The following TLR1 variants were observed in gnomAD, a reference collection of about 807,000 sequenced individuals.
TLR1 encodes toll like receptor 1, also known as toll-like receptor 1.
In TLR1, 19 loss-of-function variants were observed where a neutral mutation model predicts 20.2. The observed-to-expected ratio is 0.94, with a 90% CI of 0.66 to 1.38. The LOEUF (loss-of-function observed/expected upper bound fraction) is 1.38, where lower values mean the gene tolerates loss of function less well. Ranked by LOEUF, TLR1 falls within the 40% of genes most tolerant of loss-of-function variation. The pLI is 0.00. For synonymous variants in TLR1, 320 were observed against 334.5 expected (o/e 0.96, Z 0.47); for missense variants, 921 against 910.0 (o/e 1.01, Z -0.16).
intron 2 of TLR1, among the ~76,000 whole-genome samples, chr4:38,801,194 T>C (rs1184649884): frequency 6.6e-6 from 1 of 152,106 alleles, no homozygotes; most frequent in Non-Finnish European, 1.5e-5. Flanking sequence ...CAGGAGAAAA[T>C]TGTGAAGTAA....
chr4:38,793,427 G>C (rs192928143), downstream of TLR1, among the ~76,000 whole-genome samples: 131 of 152,084 alleles, frequency 8.6e-4, no homozygotes, highest in African/African-American at 3.0e-3. Context: ...CTTGATTAAG[G>C]GCTTGCATAT....
In TLR1 at chr4:38,798,155, T is replaced by C; in HGVS notation, c.677A>G (p.Glu226Gly). The C allele has an allele frequency of 6.2e-7, 1 of 1,614,072 alleles. No individual in the cohort carries two copies. Among genetic ancestry groups the C allele is most frequent in the East Asian group, 2.2e-5 (1 of 44,882 alleles). ...LELSNIKCVL[E>G]DNKCSYFLSI... ...TAGGAAGTAAGAACATTTGTTATCT[T>C]CTAGCACACATTTGATATTAGATAG... The change falls in exon 4 of 4, where the codon GAA (glutamate) becomes GGA (glycine). Residue 226 changes from glutamate (E) to glycine (G), a missense_variant. By Grantham distance (98) the Glu-to-Gly change is moderately conservative. Coordinates refer to ENST00000308979, the MANE Select transcript of TLR1 (RefSeq NM_003263.4).
downstream of TLR1, among the ~76,000 whole-genome samples, chr4:38,791,719 GATA>G (rs1189707360): frequency 1.3e-5 from 2 of 152,204 alleles, no homozygotes; most frequent in African/African-American, 4.8e-5. Flanking sequence ...GAAGAATGAT[GATA>G]ATGACATAAT....
downstream of TLR1, among the ~76,000 whole-genome samples, chr4:38,788,054 G>A (rs73236616): frequency 0.14 from 21,987 of 152,162 alleles, 2,160 homozygotes; most frequent in East Asian, 0.38. Context: ...GGCTTTAGGG[G>A]CAGAGAAGGA....
At chr4:38,787,700 T>A (rs1725636075), downstream of TLR1, among the ~76,000 whole-genome samples, 1 of 152,182 alleles carries the variant, frequency 6.6e-6, no homozygotes, top group Admixed American at 6.5e-5. Flanking sequence ...TCTTTGAAAT[T>A]TGGTGTGTGT....
At chr4:38,790,468 T>C (rs1213121330), downstream of TLR1, among the ~76,000 whole-genome samples, 2 of 152,100 alleles carry the variant, frequency 1.3e-5, no homozygotes, top group Non-Finnish European at 2.9e-5. Context: ...TGATTCTTTG[T>C]ATGTAACCTG....
chr4:38,802,946 GAGAA>G (rs1204718661), intron 2 of TLR1, among the ~76,000 whole-genome samples: 2 of 152,162 alleles, frequency 1.3e-5, no homozygotes, highest in African/African-American at 4.8e-5. Flanking sequence ...TTGGCAGCCA[GAGAA>G]AGAGAGAGAG....
downstream of TLR1, among the ~76,000 whole-genome samples, chr4:38,789,584 T>C (rs1192584563): frequency 6.6e-6 from 1 of 152,098 alleles, no homozygotes; most frequent in African/African-American, 2.4e-5. Context: ...TGTTTCAGCC[T>C]CCCAAGTAGC....
In TLR1 at chr4:38,800,871, G is replaced by T. The variant is rs1261508440; in HGVS notation, c.-82C>A. 6.6e-6 allele frequency: 1 copy of T among 152,638 alleles called. No individual in the cohort carries two copies. Among genetic ancestry groups the T allele is most frequent in the South Asian group, 2.1e-4 (1 of 4,832 alleles). The allele number at this position is 152,638 out of a possible 1,614,324, so 9.5% of individuals were successfully genotyped here. A position where few individuals can be genotyped will look rare whatever the true frequency, so the allele number is the denominator to read the frequency against. ...CTTGGACTTACCCTTTTGTAGGGGTGCCCAATATGCCTTTGTTATCCTGAT... is the reference window on the plus strand; with the variant it reads ...CTTGGACTTACCCTTTTGTAGGGGTTCCCAATATGCCTTTGTTATCCTGAT... On this transcript the variant is annotated 5_prime_UTR_variant, in exon 3 of 4. Coordinates refer to ENST00000308979, the MANE Select transcript of TLR1 (RefSeq NM_003263.4).
downstream of TLR1, among the ~76,000 whole-genome samples, chr4:38,796,092 T>C (rs1400707216): frequency 6.6e-6 from 1 of 152,174 alleles, no homozygotes; most frequent in Non-Finnish European, 1.5e-5. Flanking sequence ...TCAAAAGCTG[T>C]AGAAATCTGC....
chr4:38,802,490 C>A (rs1261267250), intron 2 of TLR1, among the ~76,000 whole-genome samples: 1 of 152,212 alleles, frequency 6.6e-6, no homozygotes, highest in African/African-American at 2.4e-5. Context: ...GTGTGTGCAG[C>A]CCATCCCAAG....
chr4:38,797,601 T>C lies in TLR1; in HGVS notation c.1231A>G (p.Ser411Gly). The C allele has an allele frequency of 6.2e-7, 1 of 1,613,794 alleles. No individual in the cohort carries two copies. The highest frequency in any genetic ancestry group is 8.5e-7 in the Non-Finnish European group (1 of 1,180,000). The change falls in exon 4 of 4, where the codon AGC becomes GGC. Residue 411 changes from serine to glycine, a missense_variant. Physicochemically the swap from Ser to Gly is moderately conservative, Grantham distance 56. Transcript: ENST00000308979. ...CAGTCTCCTTTCTTTTCATCATAGC[T>C]TACAGAATTCTGGCTAATATCCAAT... ...QQLDISQNSV[S>G]YDEKKGDCSW... is the part of the protein sequence containing the mutation.
downstream of TLR1, among the ~76,000 whole-genome samples, chr4:38,790,383 A>G (rs940484672): frequency 2.0e-5 from 3 of 152,222 alleles, no homozygotes; most frequent in African/African-American, 4.8e-5. Flanking sequence ...ATTTTTCTAT[A>G]CAATTTTGAA....
Position 38,798,030 on chromosome 4 carries a change from C to A in TLR1, c.802G>T (p.Val268Phe), listed in dbSNP as rs917471666. 9 of 1,613,946 alleles carry A rather than the reference C, an allele frequency of 5.6e-6. No homozygotes were observed. The highest frequency in any genetic ancestry group is 6.8e-6 in the Non-Finnish European group (8 of 1,180,000). ...WNSFIRILQL[V>F]WHTTVWYFSI... is the part of the protein sequence containing the mutation. ...AAATACCATACAGTTGTATGCCAAA[C>A]CAGCTGGAGGATCCTAATGAAAGAA... The change falls in exon 4 of 4, where the codon GTT becomes TTT. Residue 268 changes from valine (V) to phenylalanine (F), a missense_variant. Val to Phe is a conservative substitution (Grantham distance 50). Transcript: ENST00000308979.
chr4:38,796,335 C>T lies in TLR1; in HGVS notation c.*136G>A, dbSNP rs1198967309. The T allele has an allele frequency of 1.8e-5, 17 of 939,798 alleles. No homozygotes were observed. The highest frequency in any genetic ancestry group is 5.2e-5 in the East Asian group (2 of 38,204). The allele number at this position is 939,798 out of a possible 1,614,324, so 58.2% of individuals were successfully genotyped here. ...CACATATAAATGGTGAACTGCGACCCGAAGGTATATATTTTTACCTACATC... is the reference window on the plus strand; with the variant it reads ...CACATATAAATGGTGAACTGCGACCTGAAGGTATATATTTTTACCTACATC... On this transcript the variant is annotated 3_prime_UTR_variant, in exon 4 of 4. Coordinates refer to ENST00000308979, the MANE Select transcript of TLR1 (RefSeq NM_003263.4).
intron 2 of TLR1, among the ~76,000 whole-genome samples, chr4:38,803,708 C>T (rs1726832024): frequency 6.6e-6 from 1 of 152,142 alleles, no homozygotes; most frequent in Non-Finnish European, 1.5e-5. Context: ...ATTTTTTGAT[C>T]AACGTCTTAA....
intron 3 of TLR1, among the ~76,000 whole-genome samples, chr4:38,800,103 T>C (rs561501559): frequency 1.4e-4 from 22 of 152,064 alleles, no homozygotes; most frequent in African/African-American, 5.1e-4. Flanking sequence ...GACACTAGAG[T>C]AGAAATCAAA....
At chr4:38,796,132 C>T (rs950129277), downstream of TLR1, 1 of 232,390 alleles carries the variant, frequency 4.3e-6, no homozygotes, top group Non-Finnish European at 8.5e-6. Context: ...TCACAAAAGT[C>T]ACGGCATTTT....
In TLR1 at chr4:38,796,428, C is replaced by A; in HGVS notation, c.*43G>T. On this transcript the variant is annotated 3_prime_UTR_variant, in exon 4 of 4. Coordinates refer to ENST00000308979, the MANE Select transcript of TLR1 (RefSeq NM_003263.4). ...AAGTCATTGTTGGAACTTCCAAAAG[C>A]AGCAATATCAACAGGAGGAATATTT... 1 of 1,575,810 alleles carries A rather than the reference C, an allele frequency of 6.3e-7. No individual in the cohort carries two copies. The highest frequency in any genetic ancestry group is 1.2e-5 in the South Asian group (1 of 86,430).
Sources: allele counts gnomAD v4.1 joint callset (sites outside exome capture counted in the v4.1 genomes callset), GRCh38; gene constraint gnomAD v4.1.1; transcripts MANE v1.5; gene names NCBI Gene and HGNC (gene_info 2026-07-23, HGNC 2026-07-21).